The following CCT6B variants were observed in gnomAD, a reference collection of about 807,000 sequenced individuals.
CCT6B encodes the protein chaperonin containing TCP1 subunit 6B, also known as probable T-complex protein 1 subunit zeta-2.
A neutral mutation model predicts 61.5 loss-of-function variants in CCT6B; 49 were observed. The ratio of observed to expected loss-of-function variants is 0.80; its 90% confidence interval spans 0.63 to 1.01. The LOEUF (loss-of-function observed/expected upper bound fraction) is 1.01, where lower values mean the gene tolerates loss of function less well. Ranked by LOEUF, CCT6B falls within the 50% of genes least tolerant of loss-of-function variation. The probability of loss-of-function intolerance (pLI) is 0.00; values close to 1 mark genes in which losing one functional copy is unlikely to be tolerated. For synonymous variants in CCT6B, 228 were observed against 214.5 expected (o/e 1.06, Z -0.55); for missense variants, 666 against 634.7 (o/e 1.05, Z -0.53).
At chr17:34,930,602 T>C (rs1334193599) in intron 12 of CCT6B, among the ~76,000 whole-genome samples, 1 of 152,198 alleles carries the variant, frequency 6.6e-6, no homozygotes, top group East Asian at 1.9e-4. Flanking sequence ...TTCATGATCA[T>C]TATTATAGCA....
chr17:34,961,347 G>C lies in CCT6B; in HGVS notation c.47C>G (p.Ala16Gly). ...TATATTGACAGCCAAAGCTGCCCGG[G>C]CCCGCGCCACCTCAGCCTTGGAGTT... is the stretch of plus-strand genomic sequence containing the variant. ...AVNSKAEVARARAALAVNICA... is the reference protein window; with the variant it reads ...AVNSKAEVARGRAALAVNICA... The change falls in exon 1 of 14, where the codon GCC becomes GGC. Residue 16 changes from alanine (A) to glycine (G), a missense_variant. Transcript: ENST00000314144. The C allele has an allele frequency of 6.2e-7, 1 of 1,612,118 alleles. No homozygotes were observed.
chr17:34,939,569 A>C (rs181826563), intron 9 of CCT6B, 48 bp downstream of exon 9: 1 of 1,177,650 alleles, frequency 8.5e-7, no homozygotes, highest in Non-Finnish European at 1.3e-6. Context: ...TCTTTAAAAA[A>C]GGGGGCTTAG....
intron 5 of CCT6B, among the ~76,000 whole-genome samples, chr17:34,950,280 C>T (rs538555834): frequency 9.9e-5 from 15 of 152,024 alleles, no homozygotes; most frequent in Non-Finnish European, 1.6e-4. Flanking sequence ...AAATTAATAA[C>T]CTAAGTAGCT....
rs1431388202 is a variant in CCT6B at position 34,942,652 on chromosome 17, T to C, written c.726-9A>G. On this transcript the variant is annotated splice_polypyrimidine_tract_variant and intron_variant, in intron 6 of 13. Transcript: ENST00000314144. ...AACCAGAGTTCACCTCTCTAAAAGATTAATAAAAACCAGCTAGTAAAGGCA... is the reference window on the plus strand; with the variant it reads ...AACCAGAGTTCACCTCTCTAAAAGACTAATAAAAACCAGCTAGTAAAGGCA... The C allele has an allele frequency of 6.4e-7, 1 of 1,572,406 alleles. No homozygotes were observed. Among genetic ancestry groups the C allele is most frequent in the South Asian group, 1.2e-5 (1 of 83,854 alleles).
At chr17:34,932,245 CTG>C in intron 11 of CCT6B, 120 bp downstream of exon 11, 1 of 842,790 alleles carries the variant, frequency 1.2e-6, no homozygotes, top group Admixed American at 3.0e-5. Context: ...TAAGAGAAAA[CTG>C]TGTAAGGAAA....
chr17:34,939,737 T>C (rs539909944), intron 8 of CCT6B, 24 bp from the exon 9 acceptor site: 122 of 1,390,480 alleles, frequency 8.8e-5, no homozygotes, highest in South Asian at 8.1e-4. Flanking sequence ...TATGTCACCA[T>C]AGCTTGATTA....
chr17:34,960,956 G>A (rs2090407201), intron 1 of CCT6B, among the ~76,000 whole-genome samples: 1 of 152,226 alleles, frequency 6.6e-6, no homozygotes, highest in Non-Finnish European at 1.5e-5. Context: ...AAGGAGCAGA[G>A]GAGTTAAATG....
chr17:34,934,716 C>T (rs1343939914), intron 10 of CCT6B, among the ~76,000 whole-genome samples: 2 of 152,150 alleles, frequency 1.3e-5, no homozygotes, highest in Non-Finnish European at 2.9e-5. Context: ...TATTGACAGT[C>T]TACCAACATT....
chr17:34,960,012 C>T (rs1347499352), intron 1 of CCT6B, among the ~76,000 whole-genome samples: 1 of 152,180 alleles, frequency 6.6e-6, no homozygotes, highest in Non-Finnish European at 1.5e-5. Context: ...CTTAGTTTCC[C>T]TCATCCCTGC....
chr17:34,942,862 T>C lies in CCT6B; in HGVS notation c.659A>G (p.Asp220Gly). Residue 220 changes from aspartate to glycine, a missense_variant, in exon 6 of 14, where the codon GAT (aspartate) becomes GGT (glycine). Physicochemically the swap from Asp to Gly is moderately conservative, Grantham distance 94. Transcript: ENST00000314144. ...TGCATCTTCTACTCGCTTCTTCATA[T>C]CTGGATGACGGGCACCATGATCCAA... ...LVLDHGARHP[D>G]MKKRVEDAFI... 5 of 1,611,372 alleles carry C rather than the reference T, an allele frequency of 3.1e-6. No homozygotes were observed. Among genetic ancestry groups the C allele is most frequent in the Non-Finnish European group, 4.2e-6 (5 of 1,178,510 alleles).
intron 11 of CCT6B, 41 bp downstream of exon 11, chr17:34,932,326 A>AT (rs1228823669): frequency 6.4e-7 from 1 of 1,559,220 alleles, no homozygotes; most frequent in Non-Finnish European, 8.7e-7. Context: ...AAACACCTTT[A>AT]TGTCTAAGCA....
intron 10 of CCT6B, among the ~76,000 whole-genome samples, chr17:34,933,729 T>C (rs1475871604): frequency 6.6e-6 from 1 of 152,154 alleles, no homozygotes. Context: ...CATATCAAAA[T>C]TTTAGCATCC....
rs551585398 is a variant in CCT6B at position 34,961,441 on chromosome 17, C to A, written c.-48G>T. 6.4e-7 allele frequency: 1 copy of A among 1,564,518 alleles called. No individual in the cohort carries two copies. The highest frequency in any genetic ancestry group is 2.2e-5 in the East Asian group (1 of 44,480). On this transcript the variant is annotated 5_prime_UTR_variant, in exon 1 of 14. Coordinates refer to ENST00000314144, the MANE Select transcript of CCT6B (RefSeq NM_006584.4). Reference sequence around the variant, plus strand: ...AAAAAAAAAAGCCTTAGTCGCGATTCTGAGCAAAAACGGCAATGCGACGCC... The same window carrying A: ...AAAAAAAAAAGCCTTAGTCGCGATTATGAGCAAAAACGGCAATGCGACGCC...
At chr17:34,953,313 T>C (rs2090312312) in intron 4 of CCT6B, among the ~76,000 whole-genome samples, 1 of 138,584 alleles carries the variant, frequency 7.2e-6, no homozygotes, top group African/African-American at 2.5e-5. Flanking sequence ...CTTGTCTTTA[T>C]ATAAAATATA....
intron 1 of CCT6B, 87 bp downstream of exon 1, chr17:34,961,170 C>T: frequency 1.4e-6 from 2 of 1,463,156 alleles, no homozygotes; most frequent in Non-Finnish European, 9.2e-7. Context: ...AGAACATCCA[C>T]AGCGCTACGC....
Position 34,927,975 on chromosome 17 carries a change from G to T in CCT6B, c.*73C>A. On this transcript the variant is annotated 3_prime_UTR_variant, in exon 14 of 14. Coordinates refer to ENST00000314144, the MANE Select transcript of CCT6B (RefSeq NM_006584.4). ...TGTGTAGAAATTCAGAATGGCTCAG[G>T]CTACACAATAGTAGTCAGATGTAAA... 1.9e-6 allele frequency: 2 copies of T among 1,048,744 alleles called. No homozygotes were observed. The highest frequency in any genetic ancestry group is 2.8e-6 in the Non-Finnish European group (2 of 704,370). The allele number at this position is 1,048,744 out of a possible 1,614,324, so 65.0% of individuals were successfully genotyped here. A position where few individuals can be genotyped will look rare whatever the true frequency, so the allele number is the denominator to read the frequency against.
At position 34,927,867 on chromosome 17, in the gene CCT6B, G is replaced by A. The variant is rs755359090; in HGVS notation, c.*181C>T. The stretch of plus-strand genomic sequence containing the variant: ...AATATTTAAATATTATTCCTTTACT[G>A]TAAAAGTATTTATTGTGTTCTTTAT... On this transcript the variant is annotated 3_prime_UTR_variant, in exon 14 of 14. Transcript: ENST00000314144. 3.8e-5 allele frequency: 17 copies of A among 445,040 alleles called. No homozygotes were observed. Among genetic ancestry groups the A allele is most frequent in the Non-Finnish European group, 6.0e-5 (15 of 249,162 alleles). 27.6% of individuals were successfully genotyped at this position (445,040 alleles called of 1,614,324 possible).
chr17:34,956,018 T>C (rs1180259149), intron 3 of CCT6B, among the ~76,000 whole-genome samples: 1 of 152,134 alleles, frequency 6.6e-6, no homozygotes, highest in African/African-American at 2.4e-5. Context: ...AAACCTCTGG[T>C]CTAGACTCCC....
intron 5 of CCT6B, among the ~76,000 whole-genome samples, chr17:34,947,948 G>T (rs1351419666): frequency 6.7e-6 from 1 of 149,750 alleles, no homozygotes; most frequent in Non-Finnish European, 1.5e-5. Context: ...CTGCACTCCA[G>T]CCTGGTGACA....
Sources: allele counts gnomAD v4.1 joint callset (sites outside exome capture counted in the v4.1 genomes callset), GRCh38; gene constraint gnomAD v4.1.1; transcripts MANE v1.5; gene names NCBI Gene and HGNC (gene_info 2026-07-23, HGNC 2026-07-21).